Variants in CATSPERB observed in about 807,000 individuals in gnomAD.
The protein encoded by CATSPERB is cation channel sperm-associated auxiliary subunit beta.
In CATSPERB, 93 loss-of-function variants were observed where a neutral mutation model predicts 128.3. That is an observed-to-expected ratio of 0.72 (90% CI 0.61 to 0.86). The LOEUF is 0.86. CATSPERB is among the 40% of genes least tolerant of loss of function. The pLI is 0.00. For missense variants in CATSPERB, 1,153 were observed against 1,329.5 expected, an observed-to-expected ratio of 0.87 and a Z score of 2.06; for synonymous variants, 381 against 448.8, an observed-to-expected ratio of 0.85 and a Z score of 1.91.
At chr14:91,606,918 G>C (rs529928269) in intron 22 of CATSPERB, among the ~76,000 whole-genome samples, 18 of 119,492 alleles carry the variant, frequency 1.5e-4, no homozygotes, top group Non-Finnish European at 2.6e-4. Context: ...TGTAAACATA[G>C]TAAAGTCATA....
chr14:91,657,670 T>C (rs560816817), intron 15 of CATSPERB, among the ~76,000 whole-genome samples: 6 of 152,138 alleles, frequency 3.9e-5, no homozygotes, highest in South Asian at 2.1e-4. Context: ...AACAACTCAA[T>C]AGGAAAAAAC....
intron 15 of CATSPERB, among the ~76,000 whole-genome samples, chr14:91,652,705 A>G (rs1595165543): frequency 7.7e-6 from 1 of 129,742 alleles, no homozygotes; most frequent in African/African-American, 2.9e-5. Context: ...AAAAAAAAAA[A>G]GAAATGCAGC....
At chr14:91,670,094 G>A (rs1455586489) in intron 13 of CATSPERB, 122 bp from the exon 14 acceptor site, 3 of 845,564 alleles carry the variant, frequency 3.5e-6, no homozygotes, top group Non-Finnish European at 5.7e-6. Context: ...AGAACTAGAA[G>A]GATTAGCAGT....
chr14:91,729,424 GA>G lies in CATSPERB; in HGVS notation c.55del (p.Ser19HisfsTer4). The G allele has an allele frequency of 6.6e-7, 1 of 1,514,922 alleles. No individual in the cohort carries two copies. Among genetic ancestry groups the G allele is most frequent in the Non-Finnish European group, 9.1e-7 (1 of 1,099,730 alleles). 93.8% of individuals were successfully genotyped at this position (1,514,922 alleles called of 1,614,324 possible). ...SVLLLNIFEF[S>X]SGIVYNKDDT... ...ACCTTTATTATATACTATTCCTGAT[GA>G]AAATTCAAATATGTTCAAAAGCAAA... On this transcript the variant is annotated frameshift_variant, in exon 2 of 27. Coordinates refer to ENST00000256343, the MANE Select transcript of CATSPERB (RefSeq NM_024764.4). LOFTEE classifies it high-confidence loss of function.
Position 91,587,215 on chromosome 14 carries a change from A to G in CATSPERB, c.3119T>C (p.Ile1040Thr), listed in dbSNP as rs1046869669. 1 of 1,602,892 alleles carries G rather than the reference A, an allele frequency of 6.2e-7. No homozygotes were observed. The highest frequency in any genetic ancestry group is 8.5e-7 in the Non-Finnish European group (1 of 1,175,432). Residue 1040 changes from isoleucine (I) to threonine (T), a missense_variant, in exon 26 of 27, where the codon ATT (isoleucine) becomes ACT (threonine). Physicochemically the swap from Ile to Thr is moderately conservative, Grantham distance 89 (BLOSUM62 -1). Coordinates refer to ENST00000256343, the MANE Select transcript of CATSPERB (RefSeq NM_024764.4). ...VISGVTFCNL[I>T]EEFQIYVDEA... ...CATCCATTTTACCTGAAATTCTTCA[A>G]TTAAGTTACAAAAAGTTACTCCTGA...
intron 20 of CATSPERB, among the ~76,000 whole-genome samples, chr14:91,613,610 G>A (rs1893875832): frequency 6.6e-6 from 1 of 152,136 alleles, no homozygotes; most frequent in African/African-American, 2.4e-5. Flanking sequence ...ACTGATTGCA[G>A]GCACTGCCCA....
chr14:91,617,594 T>C lies in CATSPERB; in HGVS notation c.2400+3A>G, dbSNP rs201118470. On this transcript the variant is annotated splice_donor_region_variant and intron_variant, in intron 20 of 26. Coordinates refer to ENST00000256343, the MANE Select transcript of CATSPERB (RefSeq NM_024764.4). Reference sequence around the variant, plus strand: ...AATGTTTTGTAAATGAAGAAAATCCTACCTGATGTAAAACTTTGCTAGCTG... The same window carrying C: ...AATGTTTTGTAAATGAAGAAAATCCCACCTGATGTAAAACTTTGCTAGCTG... The C allele has an allele frequency of 9.5e-5, 150 of 1,573,352 alleles. No individual in the cohort carries two copies. In the Admixed American group the frequency reaches 3.0e-3, roughly 32 times the overall value.
At chr14:91,605,075 T>A in intron 22 of CATSPERB, 1 of 1,229,528 alleles carries the variant, frequency 8.1e-7, no homozygotes, top group South Asian at 1.2e-5. Flanking sequence ...TCTGGCACTC[T>A]TCTCTGCAGA....
intron 20 of CATSPERB, 141 bp from the exon 21 acceptor site, chr14:91,610,818 G>A (rs1008226286): frequency 9.5e-6 from 7 of 740,618 alleles, no homozygotes; most frequent in East Asian, 2.7e-5. Context: ...CTTTAAGGAG[G>A]TAATTAAGGT....
At chr14:91,680,843 G>C (rs1895268041) in intron 11 of CATSPERB, among the ~76,000 whole-genome samples, 1 of 152,062 alleles carries the variant, frequency 6.6e-6, no homozygotes, top group Admixed American at 6.6e-5. Flanking sequence ...GGAACCCCAA[G>C]AAAAACCCTT....
chr14:91,638,230 A>G (rs1310774459), intron 16 of CATSPERB, among the ~76,000 whole-genome samples: 1 of 152,226 alleles, frequency 6.6e-6, no homozygotes, highest in Non-Finnish European at 1.5e-5. Flanking sequence ...CTGGTGCCCA[A>G]GGATGAGCTA....
chr14:91,669,866 A>G lies in CATSPERB; in HGVS notation c.1235T>C (p.Val412Ala). Residue 412 changes from valine to alanine, a missense_variant, in exon 14 of 27, where the codon GTT (valine) becomes GCT (alanine). By Grantham distance (64) the Val-to-Ala change is moderately conservative. Transcript: ENST00000256343. ...FRFPSSFSSPVGMVFHPRSHF... is the reference protein window; with the variant it reads ...FRFPSSFSSPAGMVFHPRSHF... The stretch of plus-strand genomic sequence containing the variant: ...GCTTCGGGGATGAAATACCATTCCA[A>G]CGGGAGAAGAGAATGATGAAGGAAA... 6.2e-7 allele frequency: 1 copy of G among 1,613,920 alleles called. No individual in the cohort carries two copies. Among genetic ancestry groups the G allele is most frequent in the Non-Finnish European group, 8.5e-7 (1 of 1,179,950 alleles).
intron 17 of CATSPERB, chr14:91,636,156 G>C (rs1289888689): frequency 3.2e-6 from 1 of 309,234 alleles, no homozygotes; most frequent in East Asian, 5.3e-5. Flanking sequence ...TGAGCTCAGG[G>C]GTTTGAGACC....
intron 17 of CATSPERB, among the ~76,000 whole-genome samples, chr14:91,635,075 T>G (rs1396302369): frequency 1.3e-5 from 2 of 152,002 alleles, no homozygotes; most frequent in African/African-American, 4.8e-5. Flanking sequence ...AGGGCCTAGC[T>G]GGCTCTGTCC....
intron 15 of CATSPERB, among the ~76,000 whole-genome samples, chr14:91,658,316 G>C (rs1265447629): frequency 6.6e-6 from 1 of 152,052 alleles, no homozygotes; most frequent in African/African-American, 2.4e-5. Context: ...TCACTTATTT[G>C]AGGGAACTAA....
chr14:91,625,820 C>A (rs186931592), intron 17 of CATSPERB, among the ~76,000 whole-genome samples: 122 of 152,260 alleles, frequency 8.0e-4, no homozygotes, highest in Non-Finnish European at 1.6e-4. Flanking sequence ...ACAGATCTTA[C>A]AATCATCACA....
rs753936541 is a variant in CATSPERB, at chr14:91,704,555, C to A, written c.613G>T (p.Asp205Tyr). The change falls in exon 7 of 27, where the codon GAT becomes TAT. Residue 205 changes from aspartate (D) to tyrosine (Y), a missense_variant. Coordinates refer to ENST00000256343, the MANE Select transcript of CATSPERB (RefSeq NM_024764.4). ...LLGFIVDTIV[D>Y]GVYIGITFGG... ...TTTAATGAAGCTGTAGACCTACCAT[C>A]AACTATTGTATCCACAATGAAGCCT... 1 of 1,610,918 alleles carries A rather than the reference C, an allele frequency of 6.2e-7. No homozygotes were observed. The highest frequency in any genetic ancestry group is 1.1e-5 in the South Asian group (1 of 90,094).
rs369619047 is a variant in CATSPERB at position 91,589,637 on chromosome 14, A to G, written c.2853T>C (p.Tyr951=). ...CGTTGATAATTTCCAAAGAAACTGG[A>G]TATTGTGTAATTGGAAACTTAAAGC... is the stretch of plus-strand genomic sequence containing the variant. The part of the protein sequence containing the change: ...VPRFKFPITQ[Y]PVSLEIINED... The change falls in exon 24 of 27, where the codon TAT becomes TAC. Residue 951 remains tyrosine, a synonymous_variant. Transcript: ENST00000256343. 1.9e-6 allele frequency: 3 copies of G among 1,613,846 alleles called. No homozygotes were observed. The East Asian group carries it at 6.7e-5, about 36-fold the overall frequency.
Position 91,624,973 on chromosome 14 carries a change from G to C in CATSPERB, c.1777C>G (p.Gln593Glu), listed in dbSNP as rs1894131102. 1 of 1,600,348 alleles carries C rather than the reference G, an allele frequency of 6.2e-7. No individual in the cohort carries two copies. Among genetic ancestry groups the C allele is most frequent in the African/African-American group, 1.3e-5 (1 of 74,080 alleles). Residue 593 changes from glutamine (Q) to glutamate (E), a missense_variant, in exon 18 of 27, where the codon CAA becomes GAA. By Grantham distance (29) the Gln-to-Glu change is conservative. Coordinates refer to ENST00000256343, the MANE Select transcript of CATSPERB (RefSeq NM_024764.4). ...TGRAYIRKVLQHTTPKGFLSS... is the reference protein window; with the variant it reads ...TGRAYIRKVLEHTTPKGFLSS... ...AAAAATCCTTTAGGAGTCGTATGTT[G>C]CAATACCTTTCTTATGTAAGCTCTT...
Sources: gnomAD v4.1 joint callset for allele counts (sites outside exome capture counted in the v4.1 genomes callset) on GRCh38, gnomAD v4.1.1 for gene constraint, MANE v1.5 for transcripts, NCBI Gene and HGNC (gene_info 2026-07-23, HGNC 2026-07-21) for gene names.